Variants in SCN9A observed in about 807,000 individuals in gnomAD.
SCN9A encodes sodium channel protein type 9 subunit alpha.
SCN9A carries 131 observed loss-of-function variants against 187.0 expected under a neutral mutation model. That is an observed-to-expected ratio of 0.70 (90% CI 0.61 to 0.81). The LOEUF (loss-of-function observed/expected upper bound fraction) is 0.81, where lower values mean the gene tolerates loss of function less well. Ranked by LOEUF, SCN9A falls within the 30% of genes least tolerant of loss-of-function variation. SCN9A has a pLI of 0.00. For synonymous variants in SCN9A, 809 were observed against 808.6 expected (o/e 1.00, Z -0.01); for missense variants, 2,252 against 2,396.6 (o/e 0.94, Z 1.26).
chr2:166,332,402 A>G (rs1249889526), intron 1 of SCN9A, among the ~76,000 whole-genome samples: 1 of 152,124 alleles, frequency 6.6e-6, no homozygotes, highest in Admixed American at 6.6e-5. Flanking sequence ...CTTGTAATCA[A>G]TATCTTTGCT....
rs1491160674 is a variant in SCN9A at position 166,311,330 on chromosome 2, C to CCA, written c.258+168_258+169insTG. Among the ~76,000 whole-genome samples, 62 of 46,722 alleles carry CCA rather than the reference C, an allele frequency of 1.3e-3. 2 individuals carry two copies. The highest frequency in any genetic ancestry group is 1.9e-3 in the Non-Finnish European group (53 of 27,768). 30.7% of individuals were successfully genotyped at this position (46,722 alleles called of 152,430 possible). ...TGAAAAAGTACAGATTCTGAATATC[C>CCA]TATATATATATATATATATATATAT... On this transcript the variant is annotated intron_variant, in intron 2 of 26. Coordinates refer to ENST00000642356, the MANE Select transcript of SCN9A (RefSeq NM_001365536.1).
intron 7 of SCN9A, among the ~76,000 whole-genome samples, chr2:166,297,401 TATAC>T (rs1265219324): frequency 1.3e-5 from 2 of 151,870 alleles, no homozygotes; most frequent in African/African-American, 2.4e-5. Flanking sequence ...AAATATAGCA[TATAC>T]ATACAATGAA....
At chr2:166,334,824 G>T (rs1699588888) in intron 1 of SCN9A, among the ~76,000 whole-genome samples, 1 of 152,094 alleles carries the variant, frequency 6.6e-6, no homozygotes, top group Non-Finnish European at 1.5e-5. Context: ...TTCAAATTAA[G>T]TCATGTGAGC....
chr2:166,363,587 T>C (rs190971448), intron 1 of SCN9A, among the ~76,000 whole-genome samples: 1 of 152,030 alleles, frequency 6.6e-6, no homozygotes, highest in African/African-American at 2.4e-5. Flanking sequence ...GGAAGGCACA[T>C]GTTCAGAGTA....
At chr2:166,228,474 G>A (rs923763885) in intron 22 of SCN9A, among the ~76,000 whole-genome samples, 1 of 151,746 alleles carries the variant, frequency 6.6e-6, no homozygotes, top group Non-Finnish European at 1.5e-5. Context: ...GGCCAGACTG[G>A]TCTCGAACTC....
At chr2:166,370,885 C>G (rs894623158) in intron 1 of SCN9A, among the ~76,000 whole-genome samples, 1 of 151,760 alleles carries the variant, frequency 6.6e-6, no homozygotes, top group Non-Finnish European at 1.5e-5. Flanking sequence ...AATGTACACA[C>G]TCTTTCTAAA....
At position 166,207,040 on chromosome 2, in the gene SCN9A, G is replaced by C. The variant is rs536392241; in HGVS notation, c.4399-2576C>G. ...CTGGAAAAGCCTAAATCTTACAAAG[G>C]GGGGCTAGAAGCTTCAGTTGCTCCC... On this transcript the variant is annotated intron_variant, in intron 24 of 26. Coordinates refer to ENST00000642356, the MANE Select transcript of SCN9A (RefSeq NM_001365536.1). Among the ~76,000 whole-genome samples, 31 of 152,198 alleles carry C rather than the reference G, an allele frequency of 2.0e-4. No individual in the cohort carries two copies. The South Asian group carries it at 6.4e-3, about 32-fold the overall frequency.
At chr2:166,311,863 T>A in intron 1 of SCN9A, 57 bp from the exon 2 acceptor site, 1 of 1,010,212 alleles carries the variant, frequency 9.9e-7, no homozygotes, top group Non-Finnish European at 1.4e-6. Flanking sequence ...AAAGGCCCAT[T>A]AAAAACTAAT....
chr2:166,332,467 C>G (rs77231154), intron 1 of SCN9A, among the ~76,000 whole-genome samples: 1 of 152,288 alleles, frequency 6.6e-6, no homozygotes, highest in African/African-American at 2.4e-5. Flanking sequence ...ATGACCAAAA[C>G]AAGCTCCTTT....
At chr2:166,306,390 A>C in intron 4 of SCN9A, 120 bp downstream of exon 4, 1 of 690,200 alleles carries the variant, frequency 1.4e-6, no homozygotes. Context: ...AAAAGCAAGC[A>C]TATAACATGG....
At chr2:166,267,994 C>A (rs1340014597) in intron 17 of SCN9A, among the ~76,000 whole-genome samples, 1 of 151,962 alleles carries the variant, frequency 6.6e-6, no homozygotes, top group East Asian at 1.9e-4. Context: ...GTCTTTCACA[C>A]ACTAAAATTC....
intron 1 of SCN9A, among the ~76,000 whole-genome samples, chr2:166,346,946 G>A (rs1699915104): frequency 6.6e-6 from 1 of 152,176 alleles, no homozygotes; most frequent in South Asian, 2.1e-4. Context: ...ACACTAGACA[G>A]AACTCTGAAG....
At chr2:166,262,325 T>G (rs1439333642) in intron 17 of SCN9A, among the ~76,000 whole-genome samples, 2 of 152,028 alleles carry the variant, frequency 1.3e-5, no homozygotes, top group Non-Finnish European at 2.9e-5. Flanking sequence ...AAGGGTTATG[T>G]AGTCTTGAGA....
intron 13 of SCN9A, 28 bp downstream of exon 13, chr2:166,281,651 T>C: frequency 6.3e-7 from 1 of 1,597,748 alleles, no homozygotes; most frequent in Admixed American, 1.7e-5. Flanking sequence ...TTTAAGAATC[T>C]GTACAGTAAA....
rs1171387872 is a variant in SCN9A, at chr2:166,305,114, T to C, written c.596+678A>G. ...AATCTTAAGACCCTTCTGTATTGTC[T>C]AGGTGGCTCCAGTGAACCTGGATTA... On this transcript the variant is annotated intron_variant, in intron 5 of 26. Coordinates refer to ENST00000642356, the MANE Select transcript of SCN9A (RefSeq NM_001365536.1). 2.6e-5 allele frequency among the ~76,000 whole-genome samples: 4 copies of C among 152,100 alleles called. No homozygotes were observed. In the East Asian group the frequency reaches 7.7e-4, roughly 29 times the overall value.
chr2:166,284,862 C>G, intron 11 of SCN9A, 38 bp from the exon 12 acceptor site: 1 of 1,534,420 alleles, frequency 6.5e-7, no homozygotes, highest in Non-Finnish European at 8.7e-7. Flanking sequence ...TGCTGAAGCA[C>G]CTACTGATAG....
At chr2:166,362,504 G>A (rs1023870659) in intron 1 of SCN9A, among the ~76,000 whole-genome samples, 4 of 151,728 alleles carry the variant, frequency 2.6e-5, no homozygotes, top group Admixed American at 1.3e-4. Flanking sequence ...GCCATTTTGG[G>A]GCAGAATTTT....
rs200990243 is a variant in SCN9A, at chr2:166,198,486, T to A, written c.*186A>T. ...GAGTTCTCTTACGATTCTTAAAGAA[T>A]CATCAGTGCAAAAATAACCATCTGC... On this transcript the variant is annotated 3_prime_UTR_variant, in exon 27 of 27. Coordinates refer to ENST00000642356, the MANE Select transcript of SCN9A (RefSeq NM_001365536.1). The A allele has an allele frequency of 2.8e-4, 157 of 558,556 alleles. No homozygotes were observed. The highest frequency in any genetic ancestry group is 2.8e-3 in the African/African-American group (148 of 53,392). 34.6% of individuals were successfully genotyped at this position (558,556 alleles called of 1,614,324 possible).
In SCN9A at chr2:166,199,495, C is replaced by T. The variant is rs1314852955; in HGVS notation, c.5144G>A (p.Cys1715Tyr). The change falls in exon 27 of 27, where the codon TGT becomes TAT. Residue 1715 changes from cysteine (C) to tyrosine (Y), a missense_variant. This residue lies in a region of SCN9A where 345 missense variants were observed against 344.6 expected (regional missense o/e 1.00). Transcript: ENST00000642356. ...APILNSKPPDCDPKKVHPGSS... is the reference protein window; with the variant it reads ...APILNSKPPDYDPKKVHPGSS... ...TCCAGGATGAACTTTTTTTGGGTCACAGTCGGGTGGCTTACTGTTAAGAAT... is the reference window on the plus strand; with the variant it reads ...TCCAGGATGAACTTTTTTTGGGTCATAGTCGGGTGGCTTACTGTTAAGAAT... 2 of 1,614,146 alleles carry T rather than the reference C, an allele frequency of 1.2e-6. No individual in the cohort carries two copies. Among genetic ancestry groups the T allele is most frequent in the Middle Eastern group, 1.6e-4 (1 of 6,062 alleles).
Sources: allele counts gnomAD v4.1 joint callset (sites outside exome capture counted in the v4.1 genomes callset), GRCh38; gene constraint gnomAD v4.1.1; regional missense constraint gnomAD v4.1.1; transcripts MANE v1.5; gene names NCBI Gene and HGNC (gene_info 2026-07-23, HGNC 2026-07-21).